CCDC18: variants seen among roughly 807,000 people sequenced by gnomAD.
CCDC18 encodes the protein coiled-coil domain-containing protein 18.
Under a neutral mutation model 196.0 loss-of-function variants are expected in CCDC18, and 157 were observed. That is an observed-to-expected ratio of 0.80 (90% confidence interval 0.70 to 0.91). The LOEUF (loss-of-function observed/expected upper bound fraction) is 0.91, where lower values mean the gene tolerates loss of function less well. Among genes scored for constraint, CCDC18 ranks in the 40% least tolerant of loss-of-function variants. The pLI is 0.00. For synonymous variants in CCDC18, 482 were observed against 529.2 expected (o/e 0.91, Z 1.22); for missense variants, 1,465 against 1,611.6 (o/e 0.91, Z 1.56).
chr1:93,269,858 C>T (rs1350508074), intron 27 of CCDC18: 1 of 152,060 alleles, frequency 6.6e-6, no homozygotes, highest in African/African-American at 2.4e-5. Context: ...AAAAATTTAT[C>T]ACTTTAAGTT....
intron 10 of CCDC18, 90 bp from the exon 11 acceptor site, chr1:93,212,011 T>A (rs1655727189): frequency 7.1e-6 from 8 of 1,133,116 alleles, no homozygotes; most frequent in Non-Finnish European, 1.0e-5. Context: ...TCTAATTTTT[T>A]AAATCAACTT....
intron 3 of CCDC18, among the ~76,000 whole-genome samples, chr1:93,185,454 TA>T (rs1156707987): frequency 6.6e-6 from 1 of 151,896 alleles, no homozygotes; most frequent in Non-Finnish European, 1.5e-5. Context: ...TATCCAGTAA[TA>T]GGGGGTTAGT....
At chr1:93,180,213 G>C (rs376905115), upstream of CCDC18, 9 of 1,612,486 alleles carry the variant, frequency 5.6e-6, no homozygotes, top group African/African-American at 1.1e-4. Flanking sequence ...GAAGGAGCAC[G>C]GGGAAGGGCA....
At chr1:93,203,184 C>T (rs1369653727) in intron 7 of CCDC18, among the ~76,000 whole-genome samples, 2 of 152,048 alleles carry the variant, frequency 1.3e-5, no homozygotes, top group Non-Finnish European at 2.9e-5. Context: ...TCAGTGGGAT[C>T]TAGTGACCAC....
intron 6 of CCDC18, among the ~76,000 whole-genome samples, chr1:93,198,604 AATAAGAAAAACT>A (rs1196220127): frequency 6.6e-6 from 1 of 152,188 alleles, no homozygotes; most frequent in African/African-American, 2.4e-5. Flanking sequence ...ATTAAAATCA[AATAAGAAAAACT>A]ATAAGAAAAA....
chr1:93,247,874 T>C (rs1308059755), intron 23 of CCDC18, among the ~76,000 whole-genome samples: 1 of 152,136 alleles, frequency 6.6e-6, no homozygotes, highest in African/African-American at 2.4e-5. Flanking sequence ...CCCAGTATTA[T>C]ACTGAATAAT....
rs778252961 is a variant in CCDC18 at position 93,264,767 on chromosome 1, C to G, written c.3751C>G (p.Gln1251Glu). The change falls in exon 27 of 29, where the codon CAG (glutamine) becomes GAG (glutamate). Residue 1251 changes from glutamine to glutamate, a missense_variant. By Grantham distance (29) the Gln-to-Glu change is conservative. Transcript: ENST00000690025. ...TGCTGACTCTCAAAAGTCTTCTGTTCAGCAACTAAACGAACAGTTAGAGAA... is the reference window on the plus strand; with the variant it reads ...TGCTGACTCTCAAAAGTCTTCTGTTGAGCAACTAAACGAACAGTTAGAGAA... Reference protein sequence around the residue: ...ISADSQKSSVQQLNEQLEKAK... With the variant: ...ISADSQKSSVEQLNEQLEKAK... The G allele has an allele frequency of 1.9e-6, 3 of 1,612,974 alleles. No individual in the cohort carries two copies. In the African/African-American group the frequency reaches 4.0e-5, roughly 22 times the overall value.
At chr1:93,194,859 G>C (rs1652442760) in intron 6 of CCDC18, among the ~76,000 whole-genome samples, 1 of 152,114 alleles carries the variant, frequency 6.6e-6, no homozygotes, top group African/African-American at 2.4e-5. Context: ...TTAGGATAGA[G>C]TATTGACTTT....
At chr1:93,180,652 G>C (rs765545685), upstream of CCDC18, 3 of 1,319,976 alleles carry the variant, frequency 2.3e-6, no homozygotes, top group East Asian at 5.2e-5. Context: ...CCGCGCCTTC[G>C]GCGGCGCCTC....
Position 93,221,852 on chromosome 1 carries a change from T to A in CCDC18, c.2098-7T>A. On this transcript the variant is annotated splice_region_variant and splice_polypyrimidine_tract_variant and intron_variant, in intron 15 of 28. Coordinates refer to ENST00000690025, the MANE Select transcript of CCDC18 (RefSeq NM_001378204.1). ...CTGCATACTTATACTTTTCTTACTG[T>A]TTTTAGGAAATGAAAAAGGAAAATA... The A allele has an allele frequency of 6.3e-7, 1 of 1,593,646 alleles. No homozygotes were observed.
chr1:93,236,461 A>C, intron 19 of CCDC18, 71 bp downstream of exon 19: 1 of 1,427,214 alleles, frequency 7.0e-7, no homozygotes, highest in Non-Finnish European at 9.5e-7. Flanking sequence ...GAAATCAGAT[A>C]ATGTTCAGTG....
chr1:93,208,035 G>A (rs1302469935), intron 9 of CCDC18, among the ~76,000 whole-genome samples: 2 of 106,010 alleles, frequency 1.9e-5, no homozygotes, highest in Non-Finnish European at 4.9e-5. Context: ...ATGGACATTT[G>A]GATTGTTTCC....
At chr1:93,248,061 G>A (rs186029649) in intron 23 of CCDC18, among the ~76,000 whole-genome samples, 112 of 141,352 alleles carry the variant, frequency 7.9e-4, no homozygotes, top group African/African-American at 2.6e-3. Context: ...TGTCACCCGG[G>A]CTAGAGTGCA....
chr1:93,262,025 A>T lies in CCDC18; in HGVS notation c.3685-2676A>T, dbSNP rs986146290. On this transcript the variant is annotated intron_variant, in intron 26 of 28. Transcript: ENST00000690025. ...TCTTACATGGCAGCAGGAGAGAAAGAGTGTGTAAATGCCACACTTTTAAAC... is the reference window on the plus strand; with the variant it reads ...TCTTACATGGCAGCAGGAGAGAAAGTGTGTGTAAATGCCACACTTTTAAAC... Among the ~76,000 whole-genome samples, 5 of 152,304 alleles carry T rather than the reference A, an allele frequency of 3.3e-5. No individual in the cohort carries two copies. The East Asian group carries it at 7.7e-4, about 24-fold the overall frequency.
intron 6 of CCDC18, among the ~76,000 whole-genome samples, chr1:93,194,938 T>G (rs143174449): frequency 6.6e-6 from 1 of 152,310 alleles, no homozygotes; most frequent in East Asian, 1.9e-4. Context: ...TGGTGTGATC[T>G]TGGCTCACTG....
intron 26 of CCDC18, 121 bp from the exon 27 acceptor site, chr1:93,264,580 A>G (rs867851065): frequency 1.7e-6 from 1 of 598,844 alleles, no homozygotes. Context: ...TTGTAACTAT[A>G]AACAGAATTT....
intron 27 of CCDC18, among the ~76,000 whole-genome samples, chr1:93,268,900 A>G (rs1272927243): frequency 1.3e-5 from 2 of 152,228 alleles, no homozygotes; most frequent in African/African-American, 4.8e-5. Context: ...TAGAAATACC[A>G]TTTGACCCAG....
chr1:93,226,698 TA>T (rs1420773359), intron 17 of CCDC18, among the ~76,000 whole-genome samples: 1 of 151,954 alleles, frequency 6.6e-6, no homozygotes, highest in Admixed American at 6.6e-5. Flanking sequence ...CATGCCTGGC[TA>T]ATTTTTGTAT....
At chr1:93,256,150 A>AT (rs1216697367) in intron 24 of CCDC18, among the ~76,000 whole-genome samples, 185 bp from the exon 25 acceptor site, 2 of 151,814 alleles carry the variant, frequency 1.3e-5, no homozygotes, top group Non-Finnish European at 2.9e-5. Flanking sequence ...TTCTCATTAG[A>AT]TTTTTTTCTT....
Sources: allele counts gnomAD v4.1 joint callset (sites outside exome capture counted in the v4.1 genomes callset), GRCh38; gene constraint gnomAD v4.1.1; transcripts MANE v1.5; gene names NCBI Gene and HGNC (gene_info 2026-07-23, HGNC 2026-07-21).